The following SUGCT variants were observed in gnomAD, a reference collection of about 807,000 sequenced individuals.
SUGCT encodes the protein succinyl-CoA:glutarate-CoA transferase.
Under a neutral mutation model 55.0 loss-of-function variants are expected in SUGCT, and 41 were observed. That is an observed-to-expected ratio of 0.74 (90% CI 0.58 to 0.97). SUGCT has a LOEUF of 0.97. Among genes scored for constraint, SUGCT ranks in the 50% least tolerant of loss-of-function variants. The pLI, the probability that SUGCT is intolerant of heterozygous loss-of-function variation, is 0.00. For synonymous variants in SUGCT, 187 were observed against 200.4 expected (o/e 0.93, Z 0.56); for missense variants, 568 against 547.8 (o/e 1.04, Z -0.37).
At chr7:41,034,453 CCAT>C in the SUGCT span, among the ~76,000 whole-genome samples, 1 of 152,104 alleles carries the variant, frequency 6.6e-6, no homozygotes, top group Non-Finnish European at 1.5e-5. Flanking sequence ...ACAAGGCTGA[CCAT>C]GGAGCATTTG....
intron 11 of SUGCT, among the ~76,000 whole-genome samples, chr7:40,487,081 T>TC (rs1554349178): frequency 5.8e-4 from 79 of 135,058 alleles, no homozygotes; most frequent in Middle Eastern, 3.7e-3. Flanking sequence ...TTTCAATCTT[T>TC]TTTTTTTTTT....
intron 9 of SUGCT, among the ~76,000 whole-genome samples, chr7:40,325,884 T>G (rs1796002428): frequency 6.8e-6 from 1 of 148,016 alleles, no homozygotes. Context: ...GCTGGATGCA[T>G]CATGGATGTG....
chr7:40,258,345 GT>G (rs1790960605), intron 7 of SUGCT, among the ~76,000 whole-genome samples: 1 of 152,098 alleles, frequency 6.6e-6, no homozygotes, highest in Admixed American at 6.5e-5. Context: ...TCTAACTTCA[GT>G]TTTTCCATCT....
Position 40,264,761 on chromosome 7 carries a change from G to A in SUGCT, c.577-9752G>A, listed in dbSNP as rs1194998291. Among the ~76,000 whole-genome samples, 9 of 152,086 alleles carry A rather than the reference G, an allele frequency of 5.9e-5. No homozygotes were observed. The South Asian group carries it at 1.9e-3, about 31-fold the overall frequency. On this transcript the variant is annotated intron_variant, in intron 7 of 13. Transcript: ENST00000335693. The stretch of plus-strand genomic sequence containing the variant: ...TCTCCCCAACTGATCAATAATCAAA[G>A]TCTCTGAATTCAAGTTTCTAAGTAT...
chr7:40,757,251 A>G (rs1386729132), intron 13 of SUGCT, among the ~76,000 whole-genome samples: 1 of 152,190 alleles, frequency 6.6e-6, no homozygotes, highest in African/African-American at 2.4e-5. Flanking sequence ...ATGTCTTTCC[A>G]TCAGGCACCA....
At chr7:40,871,183 C>A in the SUGCT span, among the ~76,000 whole-genome samples, 1 of 152,142 alleles carries the variant, frequency 6.6e-6, no homozygotes, top group Non-Finnish European at 1.5e-5. Flanking sequence ...ACACACACAC[C>A]CAGCCACACA....
intron 9 of SUGCT, among the ~76,000 whole-genome samples, chr7:40,385,360 G>A (rs975863801): frequency 3.3e-5 from 5 of 152,022 alleles, no homozygotes. Flanking sequence ...TGGCTTCTTC[G>A]GCTGTAAAAT....
intron 13 of SUGCT, among the ~76,000 whole-genome samples, chr7:40,859,259 G>C (rs1226687491): frequency 6.6e-6 from 1 of 152,228 alleles, no homozygotes; most frequent in Non-Finnish European, 1.5e-5. Flanking sequence ...CCAGTGTCCA[G>C]CCTCTCCGTG....
chr7:40,692,123 C>T (rs1784727980), intron 12 of SUGCT, among the ~76,000 whole-genome samples: 2 of 152,156 alleles, frequency 1.3e-5, no homozygotes, highest in Non-Finnish European at 2.9e-5. Context: ...AAACCCTATT[C>T]TGTGTCTGTT....
intron 7 of SUGCT, among the ~76,000 whole-genome samples, chr7:40,245,625 G>T (rs1017448725): frequency 6.7e-6 from 1 of 148,682 alleles, no homozygotes; most frequent in African/African-American, 2.5e-5. Flanking sequence ...ATTTTTAGTA[G>T]AGACAGGGTT....
At chr7:40,440,145 GTTTTTTTTTTTT>G (rs138984553) in intron 9 of SUGCT, among the ~76,000 whole-genome samples, 821 of 68,468 alleles carry the variant, frequency 0.012, 15 homozygotes, top group African/African-American at 0.052. Flanking sequence ...GTGTGTGTGT[GTTTTTTTTTTTT>G]TTTTTTTTTT....
intron 12 of SUGCT, among the ~76,000 whole-genome samples, chr7:40,636,740 A>G (rs1562916946): frequency 6.6e-6 from 1 of 152,196 alleles, no homozygotes; most frequent in Non-Finnish European, 1.5e-5. Context: ...TATTTTGTAC[A>G]CTTAAAATGC....
At chr7:40,473,655 G>A (rs1226322419) in intron 11 of SUGCT, among the ~76,000 whole-genome samples, 1 of 152,094 alleles carries the variant, frequency 6.6e-6, no homozygotes, top group African/African-American at 2.4e-5. Context: ...AAAAATGGTG[G>A]CATGATTTAA....
intron 12 of SUGCT, among the ~76,000 whole-genome samples, chr7:40,726,687 C>T (rs78732980): frequency 1.2e-3 from 180 of 152,206 alleles, no homozygotes; most frequent in East Asian, 9.5e-3. Flanking sequence ...AAAGCTGAGG[C>T]GCCGCAACCG....
chr7:40,806,668 A>G (rs1458425157), intron 13 of SUGCT, among the ~76,000 whole-genome samples: 1 of 152,150 alleles, frequency 6.6e-6, no homozygotes, highest in Non-Finnish European at 1.5e-5. Flanking sequence ...TTGTATTCAG[A>G]GTGACTCTAC....
intron 6 of SUGCT, among the ~76,000 whole-genome samples, chr7:40,197,279 G>A (rs968118065): frequency 1.2e-4 from 18 of 152,126 alleles, no homozygotes; most frequent in Non-Finnish European, 1.8e-4. Context: ...TTATATGTGT[G>A]ACAGAGTGAG....
At chr7:40,145,570 C>T (rs1273271935) in intron 1 of SUGCT, among the ~76,000 whole-genome samples, 1 of 150,266 alleles carries the variant, frequency 6.7e-6, no homozygotes, top group Non-Finnish European at 1.5e-5. Context: ...TCCTTCATGT[C>T]TGTGGACTAG....
the SUGCT span, among the ~76,000 whole-genome samples, chr7:40,918,713 A>G: frequency 9.8e-5 from 15 of 152,298 alleles, no homozygotes; most frequent in African/African-American, 3.4e-4. Flanking sequence ...GAGAGAATGT[A>G]TTCCTTGGTG....
intron 12 of SUGCT, among the ~76,000 whole-genome samples, chr7:40,719,799 C>CTGTTT (rs2128682833): frequency 6.6e-6 from 1 of 152,092 alleles, no homozygotes; most frequent in African/African-American, 2.4e-5. Context: ...ACACACAATT[C>CTGTTT]TGTTTTGTTT....
Sources: allele counts gnomAD v4.1 joint callset (sites outside exome capture counted in the v4.1 genomes callset), GRCh38; gene constraint gnomAD v4.1.1; transcripts MANE v1.5; gene names NCBI Gene and HGNC (gene_info 2026-07-23, HGNC 2026-07-21).